The following CACNB4 variants were observed in gnomAD, a reference collection of about 807,000 sequenced individuals.
CACNB4 encodes voltage-dependent L-type calcium channel subunit beta-4.
In CACNB4, 32 loss-of-function variants were observed where a neutral mutation model predicts 71.2. The ratio of observed to expected loss-of-function variants is 0.45; its 90% CI spans 0.34 to 0.60. The LOEUF (loss-of-function observed/expected upper bound fraction) is 0.60, where lower values mean the gene tolerates loss of function less well. Among genes scored for constraint, CACNB4 ranks in the 20% least tolerant of loss-of-function variants. The pLI is 0.01. For synonymous variants in CACNB4, 231 were observed against 236.9 expected (o/e 0.97, Z 0.23); for missense variants, 464 against 647.9 (o/e 0.72, Z 3.08).
At chr2:152,002,868 A>G (rs1682503860) in intron 2 of CACNB4, among the ~76,000 whole-genome samples, 1 of 152,250 alleles carries the variant, frequency 6.6e-6, no homozygotes, top group South Asian at 2.1e-4. Context: ...TAGTGTTAGC[A>G]GGATTCCTAT....
intron 2 of CACNB4, among the ~76,000 whole-genome samples, chr2:151,965,175 A>G (rs114801448): frequency 1.3e-5 from 2 of 152,338 alleles, no homozygotes; most frequent in Non-Finnish European, 2.9e-5. Flanking sequence ...CTAGGGAACT[A>G]ATCTGTTTAT....
In CACNB4 at chr2:151,931,331, C is replaced by T. The variant is rs532587346; in HGVS notation, c.148-47961G>A. On this transcript the variant is annotated intron_variant, in intron 2 of 13. Transcript: ENST00000539935. Reference sequence around the variant, plus strand: ...ATATTTCTATAGACAAACTAAGCCCCGAAGTTGCCCTAAAGTGGCAAGTAA... The same window carrying T: ...ATATTTCTATAGACAAACTAAGCCCTGAAGTTGCCCTAAAGTGGCAAGTAA... Among the ~76,000 whole-genome samples the T allele has an allele frequency of 3.9e-4, 59 of 152,260 alleles. 1 individual carries two copies. In the South Asian group the frequency reaches 5.2e-3, roughly 13 times the overall value.
chr2:151,999,448 T>C (rs915259185), intron 2 of CACNB4, among the ~76,000 whole-genome samples: 15 of 151,684 alleles, frequency 9.9e-5, no homozygotes, highest in Admixed American at 3.9e-4. Context: ...AGGAAATAAA[T>C]ACTTATGTCA....
chr2:151,978,811 C>T (rs972681470), intron 2 of CACNB4, among the ~76,000 whole-genome samples: 18 of 152,236 alleles, frequency 1.2e-4, no homozygotes, highest in Admixed American at 9.8e-4. Context: ...AGGTCTCAGC[C>T]GCCAGAGCTG....
chr2:151,931,950 T>C (rs753206209), intron 2 of CACNB4, among the ~76,000 whole-genome samples: 2 of 152,154 alleles, frequency 1.3e-5, no homozygotes, highest in East Asian at 3.8e-4. Context: ...AGTATGAATA[T>C]GACACAATAC....
intron 3 of CACNB4, among the ~76,000 whole-genome samples, chr2:151,881,434 G>A (rs2099847817): frequency 6.6e-6 from 1 of 152,228 alleles, no homozygotes; most frequent in African/African-American, 2.4e-5. Context: ...CAGCGTCAAA[G>A]CTGATGGGCA....
intron 2 of CACNB4, among the ~76,000 whole-genome samples, chr2:152,094,093 G>A (rs977269330): frequency 2.6e-5 from 4 of 152,348 alleles, no homozygotes; most frequent in Admixed American, 6.5e-5. Flanking sequence ...GAGACAGAAT[G>A]TAACAGAGAA....
At chr2:152,027,767 G>A (rs540816898) in intron 2 of CACNB4, among the ~76,000 whole-genome samples, 5 of 147,508 alleles carry the variant, frequency 3.4e-5, no homozygotes, top group South Asian at 2.1e-4. Context: ...CAGGAGAATC[G>A]CTTGAACCCG....
At chr2:151,903,950 T>C (rs905408653) in intron 2 of CACNB4, among the ~76,000 whole-genome samples, 1 of 152,096 alleles carries the variant, frequency 6.6e-6, no homozygotes, top group Non-Finnish European at 1.5e-5. Flanking sequence ...GCTTGGCATA[T>C]AGTAGGTGTA....
Position 151,870,583 on chromosome 2 carries a change from A to C in CACNB4, c.647T>G (p.Val216Gly), listed in dbSNP as rs1283181284. Residue 216 changes from valine (V) to glycine (G), a missense_variant, in exon 8 of 14, where the codon GTA becomes GGA. Coordinates refer to ENST00000539935, the MANE Select transcript of CACNB4 (RefSeq NM_000726.5). ...VTEHIPPYDV[V>G]PSMRPVVLVG... Reference sequence around the variant, plus strand: ...TAACACCACCGGACGCATTGACGGTACAACATCGTAAGGAGGAATGTGCTC... The same window carrying C: ...TAACACCACCGGACGCATTGACGGTCCAACATCGTAAGGAGGAATGTGCTC... 1 of 1,613,898 alleles carries C rather than the reference A, an allele frequency of 6.2e-7. No homozygotes were observed.
chr2:152,070,125 G>A (rs1056179679), intron 2 of CACNB4, among the ~76,000 whole-genome samples: 3 of 152,204 alleles, frequency 2.0e-5, no homozygotes, highest in African/African-American at 4.8e-5. Flanking sequence ...TTACAGGCGT[G>A]AGCCACCACG....
At chr2:152,069,559 C>T (rs186627963) in intron 2 of CACNB4, among the ~76,000 whole-genome samples, 3 of 149,924 alleles carry the variant, frequency 2.0e-5, no homozygotes, top group Non-Finnish European at 3.0e-5. Flanking sequence ...ATACCCTCCA[C>T]ACTGGGTCTT....
At chr2:152,005,274 A>G (rs1157068518) in intron 2 of CACNB4, among the ~76,000 whole-genome samples, 1 of 152,236 alleles carries the variant, frequency 6.6e-6, no homozygotes, top group Non-Finnish European at 1.5e-5. Flanking sequence ...CTCAACCTAC[A>G]TGCCCATCAG....
At chr2:151,925,100 C>T (rs948592228) in intron 2 of CACNB4, among the ~76,000 whole-genome samples, 2 of 152,116 alleles carry the variant, frequency 1.3e-5, no homozygotes, top group Non-Finnish European at 2.9e-5. Context: ...CTTTGTATCC[C>T]CAGCACCCAG....
At chr2:151,913,013 T>A (rs767824303) in intron 2 of CACNB4, among the ~76,000 whole-genome samples, 3 of 152,154 alleles carry the variant, frequency 2.0e-5, no homozygotes, top group Non-Finnish European at 4.4e-5. Flanking sequence ...TTTCTTTCCA[T>A]TTGATTGGTA....
rs910619895 is a variant in CACNB4, at chr2:151,971,791, G to A, written c.148-88421C>T. 90 of 583,774 alleles carry A rather than the reference G, an allele frequency of 1.5e-4. No individual in the cohort carries two copies. The East Asian group carries it at 2.4e-3, about 16-fold the overall frequency. The allele number at this position is 583,774 out of a possible 1,614,324, so 36.2% of individuals were successfully genotyped here. A position where few individuals can be genotyped will look rare whatever the true frequency, so the allele number is the denominator to read the frequency against. On this transcript the variant is annotated intron_variant, in intron 2 of 13. Transcript: ENST00000539935. Reference sequence around the variant, plus strand: ...TCTCTTCCCCTGATTTATGTGACACGGTTTCAATCCCGCCCACCTGAAAGC... The same window carrying A: ...TCTCTTCCCCTGATTTATGTGACACAGTTTCAATCCCGCCCACCTGAAAGC...
At chr2:151,929,640 T>C (rs929534792) in intron 2 of CACNB4, among the ~76,000 whole-genome samples, 1 of 152,196 alleles carries the variant, frequency 6.6e-6, no homozygotes, top group Non-Finnish European at 1.5e-5. Flanking sequence ...ACTGTATACC[T>C]GGGAATTCCA....
intron 2 of CACNB4, among the ~76,000 whole-genome samples, chr2:152,029,564 C>A (rs947278644): frequency 1.9e-4 from 29 of 151,676 alleles, no homozygotes; most frequent in African/African-American, 7.0e-4. Context: ...GCTCTCTCTG[C>A]CACATGAAGA....
Position 151,839,182 on chromosome 2 carries a change from G to T in CACNB4, c.1500C>A (p.Tyr500Ter). ...EDYPDSYQDT[Y>*]KPHRNRGSPG... ...GTGATCCTCGGTTCCTATGGGGTTTGTAAGTGTCCTGGTATGAGTCAGGGT... is the reference window on the plus strand; with the variant it reads ...GTGATCCTCGGTTCCTATGGGGTTTTTAAGTGTCCTGGTATGAGTCAGGGT... The change falls in exon 14 of 14, where the codon TAC (tyrosine) becomes TAA (stop). Residue 500 changes from tyrosine (Y) to a stop codon, truncating the protein, a stop_gained. Coordinates refer to ENST00000539935, the MANE Select transcript of CACNB4 (RefSeq NM_000726.5). LOFTEE classifies it high-confidence loss of function. 3 of 1,613,564 alleles carry T rather than the reference G, an allele frequency of 1.9e-6. No homozygotes were observed. Among genetic ancestry groups the T allele is most frequent in the South Asian group, 1.1e-5 (1 of 91,066 alleles).
Sources: gnomAD v4.1 joint callset for allele counts (sites outside exome capture counted in the v4.1 genomes callset) on GRCh38, gnomAD v4.1.1 for gene constraint, MANE v1.5 for transcripts, NCBI Gene and HGNC (gene_info 2026-07-23, HGNC 2026-07-21) for gene names.